The following DPYD variants were observed in gnomAD, a reference collection of about 807,000 sequenced individuals.
The protein encoded by DPYD is dihydropyrimidine dehydrogenase.
DPYD carries 109 observed loss-of-function variants against 116.2 expected under a neutral mutation model. The observed-to-expected ratio is 0.94, with a 90% CI of 0.80 to 1.10. The LOEUF is 1.10. Ranked by LOEUF, DPYD falls within the 50% of genes least tolerant of loss-of-function variation. The pLI is 0.00. For synonymous variants in DPYD, 440 were observed against 432.0 expected (o/e 1.02, Z -0.23); for missense variants, 1,302 against 1,254.5 (o/e 1.04, Z -0.57).
At chr1:97,347,020 G>T (rs1669889256) in intron 16 of DPYD, among the ~76,000 whole-genome samples, 2 of 150,552 alleles carry the variant, frequency 1.3e-5, no homozygotes, top group Admixed American at 6.6e-5. Context: ...GGATTCTTTT[G>T]GATATTTTTT....
At chr1:97,726,109 G>A (rs1663243637) in intron 4 of DPYD, among the ~76,000 whole-genome samples, 1 of 151,488 alleles carries the variant, frequency 6.6e-6, no homozygotes, top group East Asian at 1.9e-4. Flanking sequence ...ATGACCTGTA[G>A]GGCAATAAAA....
chr1:97,542,078 T>C (rs1039900928), intron 12 of DPYD, among the ~76,000 whole-genome samples: 10 of 152,124 alleles, frequency 6.6e-5, no homozygotes, highest in African/African-American at 2.2e-4. Context: ...CACTACCATA[T>C]CATTTCTATA....
chr1:97,079,166 G>A lies in DPYD; in HGVS notation c.2908-20C>T. The A allele has an allele frequency of 6.2e-7, 1 of 1,612,412 alleles. No individual in the cohort carries two copies. The highest frequency in any genetic ancestry group is 8.5e-7 in the Non-Finnish European group (1 of 1,179,254). On this transcript the variant is annotated intron_variant, in intron 22 of 22. Coordinates refer to ENST00000370192, the MANE Select transcript of DPYD (RefSeq NM_000110.4). ...TATAGCCTGCAAACAGAAATAGAGG[G>A]TATTGATGTCACTGACCACAAAGGT...
At chr1:97,771,756 T>A (rs932753794) in intron 3 of DPYD, among the ~76,000 whole-genome samples, 5 of 152,170 alleles carry the variant, frequency 3.3e-5, no homozygotes, top group African/African-American at 1.2e-4. Context: ...CCCACAGATT[T>A]TCTAAATAAT....
chr1:97,533,799 G>T (rs2102032240), intron 12 of DPYD, among the ~76,000 whole-genome samples: 1 of 152,290 alleles, frequency 6.6e-6, no homozygotes, highest in Admixed American at 6.5e-5. Flanking sequence ...GGTGAGGATA[G>T]AGTGTGAAGA....
intron 14 of DPYD, among the ~76,000 whole-genome samples, chr1:97,443,413 A>T (rs1675909829): frequency 6.6e-6 from 1 of 152,178 alleles, no homozygotes; most frequent in South Asian, 2.1e-4. Context: ...AGCACAAAAA[A>T]ACTGAACGGT....
chr1:97,609,320 ACTC>A (rs1170212644), intron 8 of DPYD, among the ~76,000 whole-genome samples: 6 of 151,982 alleles, frequency 3.9e-5, no homozygotes, highest in Admixed American at 2.0e-4. Flanking sequence ...CACAATCTAG[ACTC>A]TTTTGAAACC....
chr1:97,323,987 A>C (rs1012496445), intron 16 of DPYD, among the ~76,000 whole-genome samples: 2 of 151,956 alleles, frequency 1.3e-5, no homozygotes, highest in Admixed American at 6.6e-5. Context: ...GATCCAGCCC[A>C]AAGTTTTAAC....
chr1:97,717,878 A>T (rs1359774314), intron 5 of DPYD, among the ~76,000 whole-genome samples: 1 of 151,680 alleles, frequency 6.6e-6, no homozygotes, highest in Admixed American at 6.6e-5. Context: ...ACTGATGTGT[A>T]TTTGGGCTGG....
chr1:97,418,782 A>G (rs1165636211), intron 14 of DPYD, among the ~76,000 whole-genome samples: 2 of 152,200 alleles, frequency 1.3e-5, no homozygotes, highest in African/African-American at 4.8e-5. Flanking sequence ...AACAAGTTGA[A>G]TTGCATTGTT....
intron 13 of DPYD, among the ~76,000 whole-genome samples, chr1:97,504,098 A>T (rs1343918792): frequency 2.6e-5 from 4 of 151,998 alleles, no homozygotes; most frequent in African/African-American, 9.7e-5. Context: ...GGAGATTATG[A>T]CATGGTTTCT....
At chr1:97,573,524 G>C (rs890462471) in intron 11 of DPYD, among the ~76,000 whole-genome samples, 1 of 151,966 alleles carries the variant, frequency 6.6e-6, no homozygotes, top group African/African-American at 2.4e-5. Flanking sequence ...TATGTGTTTT[G>C]GTTATAAGCT....
At chr1:97,542,795 G>GAATT (rs71731258) in intron 12 of DPYD, among the ~76,000 whole-genome samples, 13,796 of 152,044 alleles carry the variant, frequency 0.091, 826 homozygotes, top group Non-Finnish European at 0.13. Flanking sequence ...TTGAATGAAT[G>GAATT]AATTAATTAA....
At chr1:97,098,102 T>C (rs565915560) in intron 21 of DPYD, among the ~76,000 whole-genome samples, 2 of 152,218 alleles carry the variant, frequency 1.3e-5, no homozygotes, top group South Asian at 2.1e-4. Flanking sequence ...AGTGATCACA[T>C]TGATATTGAT....
chr1:97,852,774 G>A (rs983482064), intron 2 of DPYD, among the ~76,000 whole-genome samples: 2 of 152,092 alleles, frequency 1.3e-5, no homozygotes, highest in Admixed American at 1.3e-4. Flanking sequence ...TAATGATGAT[G>A]TGTTACCCCA....
chr1:97,410,897 A>T (rs564429572), intron 14 of DPYD, among the ~76,000 whole-genome samples: 1 of 152,320 alleles, frequency 6.6e-6, no homozygotes, highest in African/African-American at 2.4e-5. Context: ...AAAAGTTCCT[A>T]GAACTGTGAG....
At chr1:97,542,267 G>T (rs1322217076) in intron 12 of DPYD, among the ~76,000 whole-genome samples, 1 of 152,134 alleles carries the variant, frequency 6.6e-6, no homozygotes, top group Non-Finnish European at 1.5e-5. Context: ...AAAAGGAGTT[G>T]CTGCACAGTG....
intron 8 of DPYD, among the ~76,000 whole-genome samples, chr1:97,608,218 T>A (rs1414898448): frequency 1.3e-5 from 2 of 151,984 alleles, no homozygotes; most frequent in African/African-American, 4.8e-5. Flanking sequence ...ATTAAGTCAG[T>A]AATGGCAACT....
At chr1:97,783,592 T>C (rs1480686332) in intron 3 of DPYD, among the ~76,000 whole-genome samples, 2 of 152,084 alleles carry the variant, frequency 1.3e-5, no homozygotes, top group East Asian at 3.9e-4. Context: ...GGTTTCACCA[T>C]GTTGGCCAAG....
Sources: allele counts gnomAD v4.1 joint callset (sites outside exome capture counted in the v4.1 genomes callset), GRCh38; gene constraint gnomAD v4.1.1; transcripts MANE v1.5; gene names NCBI Gene and HGNC (gene_info 2026-07-23, HGNC 2026-07-21).